HDAC3: variants seen among roughly 807,000 people sequenced by gnomAD.
HDAC3 encodes SMAP45.
Under a neutral mutation model 62.3 loss-of-function variants are expected in HDAC3, and 21 were observed. That is an observed-to-expected ratio of 0.34 (90% CI 0.24 to 0.49). HDAC3 has a LOEUF of 0.49. HDAC3 is among the 20% of genes least tolerant of loss of function. HDAC3 has a pLI of 0.99. For missense variants in HDAC3, 270 were observed against 556.9 expected, an observed-to-expected ratio of 0.48 and a Z score of 5.19; for synonymous variants, 198 against 206.5, an observed-to-expected ratio of 0.96 and a Z score of 0.35.
At position 141,626,158 on chromosome 5, in the gene HDAC3, C is replaced by A. The variant is rs776754159; in HGVS notation, c.920+36G>T. ...TATCTGAGGGACACCCTAGCTCACA[C>A]TGGACAACAGGGGAGGAAATCAGGA... On this transcript the variant is annotated intron_variant, in intron 11 of 14. Transcript: ENST00000305264. This position sits in a 1 kb window ranked among gnomAD's most constrained non-coding sequence, Gnocchi z 4.6. 67 of 1,610,038 alleles carry A rather than the reference C, an allele frequency of 4.2e-5. No homozygotes were observed. Among genetic ancestry groups the A allele is most frequent in the Non-Finnish European group, 5.5e-5 (65 of 1,176,398 alleles).
In HDAC3 at chr5:141,627,887, T is replaced by C; in HGVS notation, c.830+6A>G. 6.2e-7 allele frequency: 1 copy of C among 1,613,720 alleles called. No homozygotes were observed. The highest frequency in any genetic ancestry group is 1.1e-5 in the South Asian group (1 of 91,078). ...CCTTGGGGAGAAGAAGGAGAGCAAG[T>C]CTCACCCATGCCCTCGGATGCTGAG... On this transcript the variant is annotated splice_donor_region_variant and intron_variant, in intron 10 of 14. Coordinates refer to ENST00000305264, the MANE Select transcript of HDAC3 (RefSeq NM_003883.4).
In HDAC3 at chr5:141,625,886, G is replaced by T; in HGVS notation, c.980-122C>A. The T allele has an allele frequency of 7.8e-7, 1 of 1,282,152 alleles. No homozygotes were observed. Among genetic ancestry groups the T allele is most frequent in the Non-Finnish European group, 1.1e-6 (1 of 878,966 alleles). 79.4% of individuals were successfully genotyped at this position (1,282,152 alleles called of 1,614,324 possible). ...AGCTGCCCAATCTCTTCCCTGCTCT[G>T]AGCCCAGGGGTTTAGTCTGCAGAGC... On this transcript the variant is annotated intron_variant, in intron 12 of 14. Coordinates refer to ENST00000305264, the MANE Select transcript of HDAC3 (RefSeq NM_003883.4). This position sits in a 1 kb window ranked among gnomAD's most constrained non-coding sequence, Gnocchi z 4.0.
At position 141,621,536 on chromosome 5, in the gene HDAC3, G is replaced by C. The variant is rs1340194777; in HGVS notation, c.1219C>G (p.Pro407Ala). 1 of 1,613,018 alleles carries C rather than the reference G, an allele frequency of 6.2e-7. No individual in the cohort carries two copies. The highest frequency in any genetic ancestry group is 1.1e-5 in the South Asian group (1 of 91,050). The change falls in exon 15 of 15, where the codon CCA becomes GCA. Residue 407 changes from proline (P) to alanine (A), a missense_variant and splice_region_variant. Pro to Ala is a conservative substitution (Grantham distance 27). Around this residue, in one of 5 missense-constraint regions of HDAC3, gnomAD observed 44 missense variants for 64.3 expected, o/e 0.68. Coordinates refer to ENST00000305264, the MANE Select transcript of HDAC3 (RefSeq NM_003883.4). ...ERGPEENYSRPEAPNEFYDGD... is the reference protein window; with the variant it reads ...ERGPEENYSRAEAPNEFYDGD... Reference sequence around the variant, plus strand: ...TCATAGAACTCATTGGGTGCCTCTGGCCTGCAAAGCAAGGGGAGAGAGGTC... The same window carrying C: ...TCATAGAACTCATTGGGTGCCTCTGCCCTGCAAAGCAAGGGGAGAGAGGTC...
chr5:141,625,318 C>T lies in HDAC3; in HGVS notation c.1107G>A (p.Leu369=), dbSNP rs2099904295. 1 of 1,614,138 alleles carries T rather than the reference C, an allele frequency of 6.2e-7. No individual in the cohort carries two copies. Among genetic ancestry groups the T allele is most frequent in the Non-Finnish European group, 8.5e-7 (1 of 1,180,004 alleles). ...GAATCTGGACACTAGGTGCATGGTT[C>T]AGCATCTTCAGGTTTTCAAAGATTG... The part of the protein sequence containing the change: ...RQTIFENLKM[L]NHAPSVQIHD... The change falls in exon 14 of 15, where the codon CTG becomes CTA. Residue 369 remains leucine (L), a synonymous_variant. Coordinates refer to ENST00000305264, the MANE Select transcript of HDAC3 (RefSeq NM_003883.4). This position sits in a 1 kb window ranked among gnomAD's most constrained non-coding sequence, Gnocchi z 4.0.
In HDAC3 at chr5:141,621,503, G is replaced by A; in HGVS notation, c.1252C>T (p.His418Tyr). ...EAPNEFYDGD[H>Y]DNDKESDVEI ...ACATCGCTTTCCTTGTCATTGTCAT[G>A]GTCTCCATCATAGAACTCATTGGGT... is the stretch of plus-strand genomic sequence containing the variant. Residue 418 changes from histidine (H) to tyrosine (Y), a missense_variant, in exon 15 of 15, where the codon CAT becomes TAT. This residue lies in a region of HDAC3 where 44 missense variants were observed against 64.3 expected (regional missense o/e 0.68). Coordinates refer to ENST00000305264, the MANE Select transcript of HDAC3 (RefSeq NM_003883.4). The A allele has an allele frequency of 6.2e-7, 1 of 1,613,952 alleles. No homozygotes were observed. The highest frequency in any genetic ancestry group is 8.5e-7 in the Non-Finnish European group (1 of 1,179,914).
At chr5:141,622,588 T>G (rs1166428271) in intron 14 of HDAC3, among the ~76,000 whole-genome samples, 2 of 146,704 alleles carry the variant, frequency 1.4e-5, no homozygotes, top group Non-Finnish European at 3.0e-5. Context: ...GGCAACAGAG[T>G]GAGACTCCAT....
Position 141,626,022 on chromosome 5 carries a change from G to A in HDAC3, c.970C>T (p.Pro324Ser). 6 of 1,613,664 alleles carry A rather than the reference G, an allele frequency of 3.7e-6. No homozygotes were observed. The highest frequency in any genetic ancestry group is 5.1e-6 in the Non-Finnish European group (6 of 1,179,616). The change falls in exon 12 of 15, where the codon CCC becomes TCC. Residue 324 changes from proline to serine, a missense_variant. This residue lies in a region of HDAC3 where 156 missense variants were observed against 383.9 expected (regional missense o/e 0.41). Transcript: ENST00000305264. This position sits in a 1 kb window ranked among gnomAD's most constrained non-coding sequence, Gnocchi z 4.6. ...LVEEAISEEL[P>S]YSEYFEYFAP... ...GTGGGGTGGTCCTTACCACTATAGG[G>A]AAGCTCCTCACTAATGGCCTCTTCT...
rs762986823 is a variant in HDAC3 at position 141,636,820 on chromosome 5, C to T, written c.-30G>A. The T allele has an allele frequency of 4.7e-6, 7 of 1,480,638 alleles. No individual in the cohort carries two copies. Among genetic ancestry groups the T allele is most frequent in the African/African-American group, 4.4e-5 (3 of 68,214 alleles). The allele number at this position is 1,480,638 out of a possible 1,614,324, so 91.7% of individuals were successfully genotyped here. A position where few individuals can be genotyped will look rare whatever the true frequency, so the allele number is the denominator to read the frequency against. On this transcript the variant is annotated 5_prime_UTR_variant, in exon 1 of 15. Transcript: ENST00000305264. The stretch of plus-strand genomic sequence containing the variant: ...CCGGCGGGAGCAGGCCCCGCACCTC[C>T]GCCGCCCGCCGCCCGCGGCCGCCGC...
At position 141,626,595 on chromosome 5, in the gene HDAC3, C is replaced by T. The variant is rs993938419; in HGVS notation, c.831-312G>A. On this transcript the variant is annotated intron_variant, in intron 10 of 14. Transcript: ENST00000305264. The surrounding 1 kb of genome is among the most constrained non-coding windows in gnomAD (Gnocchi z 4.6). The stretch of plus-strand genomic sequence containing the variant: ...CTAGCCTTGAAAATATAACTCACGC[C>T]CGGCGCGGTGCTCACGCCTTTGTAG... 1.4e-5 allele frequency: 5 copies of T among 356,234 alleles called. No individual in the cohort carries two copies. Among genetic ancestry groups the T allele is most frequent in the Non-Finnish European group, 2.7e-5 (5 of 185,758 alleles). 22.1% of individuals were successfully genotyped at this position (356,234 alleles called of 1,614,324 possible).
In HDAC3 at chr5:141,628,532, GA is replaced by G; in HGVS notation, c.691+26del. On this transcript the variant is annotated intron_variant, in intron 8 of 14. Transcript: ENST00000305264. This position sits in a 1 kb window ranked among gnomAD's most constrained non-coding sequence, Gnocchi z 4.7. ...CAAGGAGAAAAAGAAGGGGCCTAGG[GA>G]ACAGAGGGAAGACTTCGGTACTTAC... is the stretch of plus-strand genomic sequence containing the variant. 1 of 1,574,670 alleles carries G rather than the reference GA, an allele frequency of 6.4e-7. No individual in the cohort carries two copies. Among genetic ancestry groups the G allele is most frequent in the Non-Finnish European group, 8.7e-7 (1 of 1,144,138 alleles).
chr5:141,629,033 G>A lies in HDAC3; in HGVS notation c.610+140C>T. ...GATGTAACAGAGGAATGGGGAAGGA[G>A]GTGATTATGATAACTGGAGTGGTAA... On this transcript the variant is annotated intron_variant, in intron 7 of 14. Transcript: ENST00000305264. The surrounding 1 kb of genome is among the most constrained non-coding windows in gnomAD (Gnocchi z 5.3). 2.6e-6 allele frequency: 2 copies of A among 756,620 alleles called. No individual in the cohort carries two copies. Among genetic ancestry groups the A allele is most frequent in the Non-Finnish European group, 4.3e-6 (2 of 460,304 alleles). 46.9% of individuals were successfully genotyped at this position (756,620 alleles called of 1,614,324 possible). A position where few individuals can be genotyped will look rare whatever the true frequency, so the allele number is the denominator to read the frequency against.
intron 2 of HDAC3, 28 bp from the exon 3 acceptor site, chr5:141,634,981 A>G: frequency 6.2e-7 from 1 of 1,610,674 alleles, no homozygotes; most frequent in Non-Finnish European, 8.5e-7. Flanking sequence ...AGATGAACCC[A>G]GGCAGGGTCA....
chr5:141,625,273 G>C lies in HDAC3; in HGVS notation c.1152C>G (p.Leu384=). ...CCTCATCAGTCCTGTCATAGGTCAG[G>C]AGGTCTGCAGGCACGTCATGAATCT... ...SVQIHDVPAD[L]LTYDRTDEAD... The change falls in exon 14 of 15, where the codon CTC becomes CTG. Residue 384 remains leucine (L), a synonymous_variant. Coordinates refer to ENST00000305264, the MANE Select transcript of HDAC3 (RefSeq NM_003883.4). This position sits in a 1 kb window ranked among gnomAD's most constrained non-coding sequence, Gnocchi z 4.0. The C allele has an allele frequency of 1.2e-6, 2 of 1,614,144 alleles. No homozygotes were observed. The highest frequency in any genetic ancestry group is 2.2e-5 in the South Asian group (2 of 91,080).
chr5:141,624,315 A>G (rs1468171264), intron 14 of HDAC3, among the ~76,000 whole-genome samples: 1 of 129,362 alleles, frequency 7.7e-6, no homozygotes, highest in Non-Finnish European at 1.6e-5. Flanking sequence ...GCAGGAGGAC[A>G]TTTGAGCCCA....
chr5:141,625,417 C>A lies in HDAC3; in HGVS notation c.1060-52G>T, dbSNP rs570574214. 1 of 1,593,028 alleles carries A rather than the reference C, an allele frequency of 6.3e-7. No individual in the cohort carries two copies. The highest frequency in any genetic ancestry group is 2.2e-5 in the East Asian group (1 of 44,808). On this transcript the variant is annotated intron_variant, in intron 13 of 14. Transcript: ENST00000305264. This position sits in a 1 kb window ranked among gnomAD's most constrained non-coding sequence, Gnocchi z 4.0. ...GAGCAGTTTCCAGAGATTCCCAGGACATGGAATCTCCTAGCTGCCTTTTAC... is the reference window on the plus strand; with the variant it reads ...GAGCAGTTTCCAGAGATTCCCAGGAAATGGAATCTCCTAGCTGCCTTTTAC...
chr5:141,624,421 G>A (rs1249456565), intron 14 of HDAC3, among the ~76,000 whole-genome samples: 6 of 136,580 alleles, frequency 4.4e-5, no homozygotes, highest in Non-Finnish European at 6.1e-5. Flanking sequence ...GCCAGGTGTC[G>A]TGGTGCACAC....
rs2099904913 is a variant in HDAC3, at chr5:141,629,596, G to A, written c.476+88C>T. On this transcript the variant is annotated intron_variant, in intron 6 of 14. Coordinates refer to ENST00000305264, the MANE Select transcript of HDAC3 (RefSeq NM_003883.4). This position sits in a 1 kb window ranked among gnomAD's most constrained non-coding sequence, Gnocchi z 5.3. ...GAACTTGGGAGAAGCTAATCAGGGA[G>A]GAGGGAGGTCAAGGTCAGGGTTGAG... The A allele has an allele frequency of 7.7e-7, 1 of 1,293,098 alleles. No homozygotes were observed. Among genetic ancestry groups the A allele is most frequent in the Admixed American group, 1.8e-5 (1 of 56,996 alleles). 80.1% of individuals were successfully genotyped at this position (1,293,098 alleles called of 1,614,324 possible). A position where few individuals can be genotyped will look rare whatever the true frequency, so the allele number is the denominator to read the frequency against.
At position 141,625,462 on chromosome 5, in the gene HDAC3, A is replaced by AT. The variant is rs928791832; in HGVS notation, c.1060-98dup. ...TTTTACCCCTACCATACTGGTTTTC[A>AT]TCTCAGTGGTACCTCTAGTTCAGGT... On this transcript the variant is annotated intron_variant, in intron 13 of 14. Coordinates refer to ENST00000305264, the MANE Select transcript of HDAC3 (RefSeq NM_003883.4). This position sits in a 1 kb window ranked among gnomAD's most constrained non-coding sequence, Gnocchi z 4.0. The AT allele has an allele frequency of 2.2e-6, 3 of 1,386,028 alleles. No individual in the cohort carries two copies. In the African/African-American group the frequency reaches 4.3e-5, roughly 20 times the overall value. 85.9% of individuals were successfully genotyped at this position (1,386,028 alleles called of 1,614,324 possible).
rs1350245661 is a variant in HDAC3, at chr5:141,629,907, T to C, written c.373A>G (p.Ile125Val). The change falls in exon 5 of 15, where the codon ATT (isoleucine) becomes GTT (valine). Residue 125 changes from isoleucine (I) to valine (V), a missense_variant. Ile to Val is a conservative substitution (Grantham distance 29, BLOSUM62 3). Transcript: ENST00000305264. This position sits in a 1 kb window ranked among gnomAD's most constrained non-coding sequence, Gnocchi z 5.3. ...ATQLNNKICD[I>V]AINWAGGLHH... The stretch of plus-strand genomic sequence containing the variant: ...AGACCACCAGCCCAGTTAATGGCAA[T>C]ATCACAGATCTGAAAGACAAACACC... The C allele has an allele frequency of 6.2e-7, 1 of 1,614,116 alleles. No homozygotes were observed. The highest frequency in any genetic ancestry group is 2.2e-5 in the East Asian group (1 of 44,870).
Sources: allele counts gnomAD v4.1 joint callset (sites outside exome capture counted in the v4.1 genomes callset), GRCh38; gene constraint gnomAD v4.1.1; regional missense constraint gnomAD v4.1.1; non-coding constraint Gnocchi (gnomAD v3.1); transcripts MANE v1.5; gene names NCBI Gene and HGNC (gene_info 2026-07-23, HGNC 2026-07-21).